Variants in ACTR3C observed in about 807,000 individuals in gnomAD.
The protein encoded by ACTR3C is actin-related protein 3C.
ACTR3C carries 18 observed loss-of-function variants against 26.3 expected under a neutral mutation model. The observed-to-expected ratio is 0.68, with a 90% confidence interval of 0.47 to 1.01. The LOEUF (loss-of-function observed/expected upper bound fraction) is 1.01, where lower values mean the gene tolerates loss of function less well. Ranked by LOEUF, ACTR3C falls within the 50% of genes least tolerant of loss-of-function variation. The pLI, the probability that ACTR3C is intolerant of heterozygous loss-of-function variation, is 0.00. For synonymous variants in ACTR3C, 55 were observed against 94.5 expected, an observed-to-expected ratio of 0.58 and a Z score of 2.42; for missense variants, 184 against 250.7, an observed-to-expected ratio of 0.73 and a Z score of 1.80.
At chr7:150,168,987 C>T in the ACTR3C span, among the ~76,000 whole-genome samples, 1 of 150,666 alleles carries the variant, frequency 6.6e-6, no homozygotes, top group African/African-American at 2.5e-5. Flanking sequence ...TATTGAATCC[C>T]TAACCTTCAA....
chr7:150,125,256 A>AT, the ACTR3C span, among the ~76,000 whole-genome samples: 358 of 143,046 alleles, frequency 2.5e-3, no homozygotes, highest in African/African-American at 3.4e-3. Context: ...TCATTGCAGT[A>AT]TTTTTTTTTT....
chr7:149,911,506 A>C, the ACTR3C span, among the ~76,000 whole-genome samples: 1 of 152,172 alleles, frequency 6.6e-6, no homozygotes, highest in Non-Finnish European at 1.5e-5. Context: ...CAGTTGTAAA[A>C]AAGGTAATCA....
At chr7:150,126,058 G>A in the ACTR3C span, among the ~76,000 whole-genome samples, 5 of 152,244 alleles carry the variant, frequency 3.3e-5, no homozygotes, top group Admixed American at 1.3e-4. Flanking sequence ...ATGACACAGC[G>A]CTTGACTTCA....
chr7:150,222,693 G>A, the ACTR3C span, among the ~76,000 whole-genome samples: 5 of 152,322 alleles, frequency 3.3e-5, no homozygotes, highest in East Asian at 9.6e-4. Flanking sequence ...CGAGCTTGAT[G>A]ACTCACCCTC....
chr7:149,977,115 C>T, the ACTR3C span, among the ~76,000 whole-genome samples: 1 of 151,932 alleles, frequency 6.6e-6, no homozygotes, highest in African/African-American at 2.4e-5. Flanking sequence ...CTCCACATCC[C>T]TCCCTTTCTC....
chr7:150,105,408 C>T, the ACTR3C span, among the ~76,000 whole-genome samples: 8 of 151,782 alleles, frequency 5.3e-5, 1 homozygote, highest in African/African-American at 1.5e-4. Flanking sequence ...AAGGAACTCA[C>T]GGGATAAACT....
chr7:149,925,977 C>A, the ACTR3C span, among the ~76,000 whole-genome samples: 1 of 152,018 alleles, frequency 6.6e-6, no homozygotes, highest in Admixed American at 6.6e-5. Flanking sequence ...GCAGGAGAAT[C>A]GCTTGAATCC....
chr7:149,906,148 T>C, the ACTR3C span, among the ~76,000 whole-genome samples: 2 of 152,142 alleles, frequency 1.3e-5, no homozygotes, highest in East Asian at 1.9e-4. Context: ...CAGAAAGTTA[T>C]TTACGATGTG....
the ACTR3C span, among the ~76,000 whole-genome samples, chr7:149,942,230 G>C: frequency 1.6e-4 from 24 of 152,206 alleles, no homozygotes; most frequent in Non-Finnish European, 2.4e-4. Context: ...GGAGATATTT[G>C]AAAGTGGGGA....
chr7:150,194,073 T>A, the ACTR3C span, among the ~76,000 whole-genome samples: 1 of 149,666 alleles, frequency 6.7e-6, no homozygotes, highest in Non-Finnish European at 1.5e-5. Context: ...TTGTCTTTTT[T>A]AAAAAAATTT....
chr7:149,897,315 T>TG, the ACTR3C span, among the ~76,000 whole-genome samples: 1 of 152,192 alleles, frequency 6.6e-6, no homozygotes, highest in Non-Finnish European at 1.5e-5. Context: ...TAAAAGCTAA[T>TG]CTTTGGTTTG....
chr7:150,310,977 G>A (rs1796271503), intron 1 of ACTR3C, among the ~76,000 whole-genome samples: 1 of 152,038 alleles, frequency 6.6e-6, no homozygotes, highest in African/African-American at 2.4e-5. Context: ...CGCTCTTCCT[G>A]CAGACCGTGT....
At chr7:149,886,819 G>A in the ACTR3C span, among the ~76,000 whole-genome samples, 70 of 152,220 alleles carry the variant, frequency 4.6e-4, no homozygotes, top group African/African-American at 1.6e-3. Context: ...AGTCGAGTGT[G>A]TGTAGAGGTG....
At chr7:150,132,845 A>AC in the ACTR3C span, among the ~76,000 whole-genome samples, 1 of 152,194 alleles carries the variant, frequency 6.6e-6, no homozygotes, top group Non-Finnish European at 1.5e-5. Flanking sequence ...CATGGAATCA[A>AC]CCCAGGTGCC....
chr7:150,057,590 C>T, the ACTR3C span, among the ~76,000 whole-genome samples: 1 of 152,160 alleles, frequency 6.6e-6, no homozygotes, highest in Non-Finnish European at 1.5e-5. Flanking sequence ...CCAGCCAGTA[C>T]TCACTTTTTA....
chr7:150,294,719 A>G (rs1836589367), intron 2 of ACTR3C, among the ~76,000 whole-genome samples: 2 of 152,042 alleles, frequency 1.3e-5, no homozygotes, highest in Admixed American at 1.3e-4. Flanking sequence ...GGCAACACCC[A>G]TCTCATTTAT....
At chr7:150,142,962 G>A in the ACTR3C span, among the ~76,000 whole-genome samples, 1 of 151,938 alleles carries the variant, frequency 6.6e-6, no homozygotes, top group Non-Finnish European at 1.5e-5. Flanking sequence ...AGCCTCCCCA[G>A]TAGCTAGGAT....
the ACTR3C span, among the ~76,000 whole-genome samples, chr7:149,938,933 A>G: frequency 3.8e-5 from 3 of 79,634 alleles, no homozygotes; most frequent in African/African-American, 1.2e-4. Flanking sequence ...ATATATGTAT[A>G]TATAAATATA....
chr7:150,295,364 A>G lies in ACTR3C; in HGVS notation c.-51-17T>C, dbSNP rs1836654075. ...AGGTTCTGTCTGTAAGAAAACATTC[A>G]CTATATTTAGTGTTTACCCAAATTT... is the stretch of plus-strand genomic sequence containing the variant. On this transcript the variant is annotated splice_polypyrimidine_tract_variant and intron_variant, in intron 1 of 7. Coordinates refer to ENST00000683684, the MANE Select transcript of ACTR3C (RefSeq NM_001164458.2). 6.2e-7 allele frequency: 1 copy of G among 1,609,776 alleles called. No homozygotes were observed. Among genetic ancestry groups the G allele is most frequent in the Non-Finnish European group, 8.5e-7 (1 of 1,176,038 alleles).
Sources: gnomAD v4.1 joint callset for allele counts (sites outside exome capture counted in the v4.1 genomes callset) on GRCh38, gnomAD v4.1.1 for gene constraint, MANE v1.5 for transcripts, NCBI Gene and HGNC (gene_info 2026-07-23, HGNC 2026-07-21) for gene names.